The following DOK6 variants were observed in gnomAD, a reference collection of about 807,000 sequenced individuals.
DOK6 encodes docking protein 6.
DOK6 carries 22 observed loss-of-function variants against 44.0 expected under a neutral mutation model. That is an observed-to-expected ratio of 0.50 (90% confidence interval 0.36 to 0.71). DOK6 has a LOEUF of 0.71. Ranked by LOEUF, DOK6 falls within the 30% of genes least tolerant of loss-of-function variation. The pLI is 0.00. For synonymous variants in DOK6, 166 were observed against 145.5 expected (o/e 1.14, Z -1.01); for missense variants, 340 against 416.4 (o/e 0.82, Z 1.60).
chr18:69,743,820 T>TAA (rs35936116), intron 6 of DOK6, among the ~76,000 whole-genome samples: 8,205 of 94,018 alleles, frequency 0.087, 325 homozygotes, highest in East Asian at 0.16. Context: ...TTCAGTGTAT[T>TAA]AAAAAAAAAA....
At position 69,774,133 on chromosome 18, in the gene DOK6, GATATAT is replaced by G. The variant is rs111360276; in HGVS notation, c.856+16278_856+16283del. Among the ~76,000 whole-genome samples the G allele has an allele frequency of 1.1e-3, 74 of 66,898 alleles. 7 individuals carry two copies. The highest frequency in any genetic ancestry group is 0.01 in the Middle Eastern group (1 of 98). 43.9% of individuals were successfully genotyped at this position (66,898 alleles called of 152,430 possible). On this transcript the variant is annotated intron_variant, in intron 7 of 7. Transcript: ENST00000382713. ...TAGATTTATATAGATATATATATGA[GATATAT>G]ATATATATATATATATAATGTAATA...
At chr18:69,718,917 C>G (rs1381291881) in intron 5 of DOK6, among the ~76,000 whole-genome samples, 1 of 151,902 alleles carries the variant, frequency 6.6e-6, no homozygotes, top group Non-Finnish European at 1.5e-5. Context: ...AATCTCTGCT[C>G]TAAATCTAAA....
At chr18:69,636,647 G>C (rs1052574369) in intron 3 of DOK6, among the ~76,000 whole-genome samples, 2 of 152,176 alleles carry the variant, frequency 1.3e-5, no homozygotes, top group Admixed American at 1.3e-4. Flanking sequence ...ACATTGGTTT[G>C]CTGTCTTCAA....
intron 1 of DOK6, among the ~76,000 whole-genome samples, chr18:69,529,747 C>T (rs192654393): frequency 6.6e-6 from 1 of 152,242 alleles, no homozygotes; most frequent in African/African-American, 2.4e-5. Flanking sequence ...TAATGTTGCC[C>T]TATTCCGTGC....
intron 2 of DOK6, among the ~76,000 whole-genome samples, chr18:69,568,255 G>A (rs1187934751): frequency 6.6e-6 from 1 of 152,204 alleles, no homozygotes; most frequent in African/African-American, 2.4e-5. Context: ...TCCAAGCCAG[G>A]TAATGAGCCT....
At chr18:69,786,238 C>T (rs1002295526) in intron 7 of DOK6, among the ~76,000 whole-genome samples, 3 of 152,034 alleles carry the variant, frequency 2.0e-5, no homozygotes, top group Admixed American at 2.0e-4. Flanking sequence ...CAGAAAACAA[C>T]CAAAGCACAT....
At chr18:69,755,787 T>G (rs1288237924) in intron 6 of DOK6, among the ~76,000 whole-genome samples, 1 of 152,206 alleles carries the variant, frequency 6.6e-6, no homozygotes, top group Non-Finnish European at 1.5e-5. Context: ...TGCTCCTTAG[T>G]TCAGCTAAAT....
intron 7 of DOK6, among the ~76,000 whole-genome samples, chr18:69,818,582 G>A (rs527367754): frequency 1.3e-5 from 2 of 152,088 alleles, no homozygotes; most frequent in East Asian, 1.9e-4. Context: ...AATCAGGCTC[G>A]CCCAAATGAC....
chr18:69,522,321 C>T (rs2119958), intron 1 of DOK6, among the ~76,000 whole-genome samples: 6,775 of 151,852 alleles, frequency 0.045, 212 homozygotes, highest in Admixed American at 0.096. Flanking sequence ...TCGGAGGTCC[C>T]CAAACACAAT....
chr18:69,659,295 G>A (rs1018821386), intron 3 of DOK6, among the ~76,000 whole-genome samples: 1 of 152,206 alleles, frequency 6.6e-6, no homozygotes, highest in African/African-American at 2.4e-5. Context: ...TCACTGCTGT[G>A]CACGTCTACG....
intron 1 of DOK6, among the ~76,000 whole-genome samples, chr18:69,421,949 G>GCAAAA (rs1414675960): frequency 1.3e-5 from 2 of 152,242 alleles, no homozygotes; most frequent in South Asian, 4.2e-4. Flanking sequence ...ACAAAGCAAA[G>GCAAAA]CAAAACAAAA....
chr18:69,465,428 G>T (rs1568266593), intron 1 of DOK6, among the ~76,000 whole-genome samples: 1 of 151,472 alleles, frequency 6.6e-6, no homozygotes, highest in Non-Finnish European at 1.5e-5. Flanking sequence ...TTAGCATTAG[G>T]TATATCTCCT....
chr18:69,682,021 G>A (rs1986057011), intron 4 of DOK6, among the ~76,000 whole-genome samples: 1 of 152,186 alleles, frequency 6.6e-6, no homozygotes, highest in Admixed American at 6.5e-5. Flanking sequence ...CTGCTCATGA[G>A]TGGGCTACAT....
chr18:69,615,058 AG>A (rs1161525490), intron 3 of DOK6, among the ~76,000 whole-genome samples: 1 of 152,202 alleles, frequency 6.6e-6, no homozygotes, highest in East Asian at 1.9e-4. Context: ...AATGTAAGAT[AG>A]TAAAACAACT....
intron 1 of DOK6, among the ~76,000 whole-genome samples, chr18:69,406,861 A>C (rs1018778483): frequency 2.0e-5 from 3 of 152,180 alleles, no homozygotes; most frequent in Admixed American, 6.5e-5. Context: ...CTGGCGGATC[A>C]CCTGAGGTCA....
chr18:69,803,270 C>G (rs942188555), intron 7 of DOK6, among the ~76,000 whole-genome samples: 2 of 152,162 alleles, frequency 1.3e-5, no homozygotes, highest in South Asian at 2.1e-4. Context: ...TTATGAAATG[C>G]TCTTTTGTTA....
At chr18:69,664,706 G>A (rs3923754) in intron 3 of DOK6, among the ~76,000 whole-genome samples, 129,936 of 152,178 alleles carry the variant, frequency 0.85, 55,697 homozygotes, top group East Asian at 1. Context: ...AAAATATTTC[G>A]CTTACTTTTC....
Position 69,838,823 on chromosome 18 carries a change from T to C in DOK6, c.857-2421T>C, listed in dbSNP as rs546950697. Among the ~76,000 whole-genome samples the C allele has an allele frequency of 7.9e-5, 10 of 126,952 alleles. No homozygotes were observed. In the South Asian group the frequency reaches 2.6e-3, roughly 33 times the overall value. The allele number at this position is 126,952 out of a possible 152,430, so 83.3% of individuals were successfully genotyped here. Reference sequence around the variant, plus strand: ...CTTCCCTAATCCCTTCCCTAGCTGCTCCCCTAACTCCTCCCCTAGTTCCTC... The same window carrying C: ...CTTCCCTAATCCCTTCCCTAGCTGCCCCCCTAACTCCTCCCCTAGTTCCTC... On this transcript the variant is annotated intron_variant, in intron 7 of 7. Transcript: ENST00000382713.
intron 4 of DOK6, among the ~76,000 whole-genome samples, chr18:69,679,812 T>G (rs1986005113): frequency 6.6e-6 from 1 of 152,174 alleles, no homozygotes; most frequent in Non-Finnish European, 1.5e-5. Flanking sequence ...ATTTCTAATT[T>G]GATAATAAGG....
Sources: allele counts gnomAD v4.1 joint callset (sites outside exome capture counted in the v4.1 genomes callset), GRCh38; gene constraint gnomAD v4.1.1; transcripts MANE v1.5; gene names NCBI Gene and HGNC (gene_info 2026-07-23, HGNC 2026-07-21).